Variants in MAML3 observed in about 807,000 individuals in gnomAD.
The protein encoded by MAML3 is mastermind-like protein 3.
MAML3 carries 27 observed loss-of-function variants against 101.9 expected under a neutral mutation model. That is an observed-to-expected ratio of 0.27 (90% confidence interval 0.20 to 0.37). The LOEUF is 0.37. Among genes scored for constraint, MAML3 ranks in the 10% least tolerant of loss-of-function variants. The pLI is 1.00. For synonymous variants in MAML3, 501 were observed against 555.9 expected (o/e 0.90, Z 1.39); for missense variants, 1,316 against 1,444.9 (o/e 0.91, Z 1.45).
chr4:139,850,024 G>A (rs1731519128), intron 2 of MAML3, among the ~76,000 whole-genome samples: 1 of 152,000 alleles, frequency 6.6e-6, no homozygotes, highest in South Asian at 2.1e-4. Context: ...AAATAGCACT[G>A]GTATTGTCAA....
chr4:139,840,457 T>A (rs1487677597), intron 2 of MAML3, among the ~76,000 whole-genome samples: 1 of 152,118 alleles, frequency 6.6e-6, no homozygotes, highest in African/African-American at 2.4e-5. Context: ...GCCAAATACC[T>A]CCTGGCATGA....
chr4:140,127,719 G>A (rs1009609199), intron 1 of MAML3, among the ~76,000 whole-genome samples: 2 of 152,084 alleles, frequency 1.3e-5, no homozygotes, highest in Non-Finnish European at 2.9e-5. Flanking sequence ...AATTCTACAA[G>A]AACTGTATCT....
intron 1 of MAML3, among the ~76,000 whole-genome samples, chr4:139,988,119 G>T (rs1316937172): frequency 6.6e-6 from 1 of 151,026 alleles, no homozygotes; most frequent in African/African-American, 2.4e-5. Context: ...CTGAGGTCAG[G>T]AGTTCAAGAC....
intron 2 of MAML3, among the ~76,000 whole-genome samples, chr4:139,819,891 A>G (rs1341328607): frequency 6.6e-6 from 1 of 152,190 alleles, no homozygotes; most frequent in Non-Finnish European, 1.5e-5. Flanking sequence ...GTGTTGAAGA[A>G]CACACTAATT....
At chr4:139,987,788 G>A (rs1046055295) in intron 1 of MAML3, among the ~76,000 whole-genome samples, 28 of 152,212 alleles carry the variant, frequency 1.8e-4, no homozygotes, top group Non-Finnish European at 3.4e-4. Context: ...GGAAGGCCGA[G>A]GCAGGTGGAT....
chr4:139,807,222 G>C (rs1020630985), intron 2 of MAML3, among the ~76,000 whole-genome samples: 2 of 152,022 alleles, frequency 1.3e-5, no homozygotes, highest in Non-Finnish European at 2.9e-5. Context: ...CAACTGACAA[G>C]ACTTGCCATT....
chr4:139,752,108 C>T (rs1283245368), intron 2 of MAML3, among the ~76,000 whole-genome samples: 1 of 152,166 alleles, frequency 6.6e-6, no homozygotes, highest in East Asian at 1.9e-4. Flanking sequence ...GATACTTCAG[C>T]AATTTCTACA....
intron 1 of MAML3, among the ~76,000 whole-genome samples, chr4:139,963,490 C>T (rs900891628): frequency 2.0e-5 from 3 of 152,144 alleles, no homozygotes; most frequent in African/African-American, 7.2e-5. Context: ...ATCTTGTCTA[C>T]GTGGCCGACA....
chr4:139,882,954 T>C (rs1239302454), intron 2 of MAML3, among the ~76,000 whole-genome samples: 1 of 152,222 alleles, frequency 6.6e-6, no homozygotes, highest in East Asian at 1.9e-4. Flanking sequence ...TCTCAAAAAT[T>C]GGTTCCATAG....
At position 140,098,969 on chromosome 4, in the gene MAML3, G is replaced by C. The variant is rs142503475; in HGVS notation, c.468+53891C>G. Among the ~76,000 whole-genome samples the C allele has an allele frequency of 9.0e-3, 1,366 of 152,186 alleles. 18 individuals carry two copies. Among genetic ancestry groups the C allele is most frequent in the African/African-American group, 0.03 (1,263 of 41,510 alleles). The stretch of plus-strand genomic sequence containing the variant: ...CTCATTTTTACTTTTCCTCCCCATT[G>C]CTTCCCAGCCCTCCCTTGATGTCTC... On this transcript the variant is annotated intron_variant, in intron 1 of 4. Transcript: ENST00000509479.
At chr4:139,963,394 A>G (rs1164701024) in intron 1 of MAML3, among the ~76,000 whole-genome samples, 1 of 152,234 alleles carries the variant, frequency 6.6e-6, no homozygotes, top group Non-Finnish European at 1.5e-5. Context: ...TGCCAAAGCT[A>G]CCGGTCCACA....
At chr4:140,073,638 G>A (rs1002108332) in intron 1 of MAML3, among the ~76,000 whole-genome samples, 11 of 152,076 alleles carry the variant, frequency 7.2e-5, no homozygotes, top group Non-Finnish European at 1.3e-4. Flanking sequence ...GCCATTTTGG[G>A]GACAGGGGGT....
At chr4:139,843,930 T>G (rs1731401954) in intron 2 of MAML3, among the ~76,000 whole-genome samples, 1 of 152,212 alleles carries the variant, frequency 6.6e-6, no homozygotes. Context: ...ACAGGGCCCC[T>G]GGGAGGTGCC....
At chr4:139,909,270 G>T (rs559611006) in intron 1 of MAML3, among the ~76,000 whole-genome samples, 4 of 152,328 alleles carry the variant, frequency 2.6e-5, no homozygotes, top group Admixed American at 2.0e-4. Flanking sequence ...TGGCCACCAT[G>T]AGGAAAAGCA....
At chr4:139,730,704 C>T (rs1315757988) in intron 2 of MAML3, 37 bp from the exon 3 acceptor site, 2 of 1,572,348 alleles carry the variant, frequency 1.3e-6, no homozygotes, top group East Asian at 2.3e-5. Flanking sequence ...CAGGGATTCC[C>T]CATAGAGACT....
intron 2 of MAML3, among the ~76,000 whole-genome samples, chr4:139,790,496 G>A (rs1328302890): frequency 6.6e-6 from 1 of 151,536 alleles, no homozygotes; most frequent in Non-Finnish European, 1.5e-5. Context: ...CCATTTCAGG[G>A]AATTTTTCAT....
intron 1 of MAML3, among the ~76,000 whole-genome samples, chr4:140,143,404 CACCAT>C (rs1167505939): frequency 6.6e-6 from 1 of 152,212 alleles, no homozygotes; most frequent in Non-Finnish European, 1.5e-5. Context: ...ATTTGTGCAG[CACCAT>C]AAGGTGTTCA....
chr4:139,974,187 G>A (rs1481205922), intron 1 of MAML3, among the ~76,000 whole-genome samples: 2 of 149,984 alleles, frequency 1.3e-5, no homozygotes, highest in Admixed American at 6.7e-5. Flanking sequence ...CTCACTGCAA[G>A]CTCCGCCTCC....
At chr4:140,029,971 C>T (rs1003095032) in intron 1 of MAML3, among the ~76,000 whole-genome samples, 1 of 152,104 alleles carries the variant, frequency 6.6e-6, no homozygotes, top group Non-Finnish European at 1.5e-5. Context: ...GAGTGACAGC[C>T]ACTCACACAT....
Sources: allele counts gnomAD v4.1 joint callset (sites outside exome capture counted in the v4.1 genomes callset), GRCh38; gene constraint gnomAD v4.1.1; transcripts MANE v1.5; gene names NCBI Gene and HGNC (gene_info 2026-07-23, HGNC 2026-07-21).